The following LYPD8 variants were observed in gnomAD, a reference collection of about 807,000 sequenced individuals.
LYPD8 encodes the protein ly6/PLAUR domain-containing protein 8.
A neutral mutation model predicts 1.7 loss-of-function variants in LYPD8; 8 were observed. That is an observed-to-expected ratio of 4.58 (90% CI 2.69 to 8.27). The LOEUF is 8.27. Ranked by LOEUF, LYPD8 falls within the 30% of genes most tolerant of loss-of-function variation. LYPD8 has a pLI of 0.00. For synonymous variants in LYPD8, 50 were observed against 43.6 expected, an observed-to-expected ratio of 1.15 and a Z score of -0.58; for missense variants, 112 against 102.3, an observed-to-expected ratio of 1.09 and a Z score of -0.41.
At chr1:248,746,348 C>T (rs1266299145) in intron 5 of LYPD8, among the ~76,000 whole-genome samples, 1 of 152,228 alleles carries the variant, frequency 6.6e-6, no homozygotes, top group Non-Finnish European at 1.5e-5. Flanking sequence ...CTTGCAATGT[C>T]TGTCTTCACT....
intron 2 of LYPD8, among the ~76,000 whole-genome samples, chr1:248,751,895 T>C (rs1328961570): frequency 2.6e-5 from 4 of 152,154 alleles, no homozygotes; most frequent in African/African-American, 9.7e-5. Flanking sequence ...TCTCTGCACC[T>C]TGCATTCCCT....
At chr1:248,740,150 T>A (rs942115655) in intron 6 of LYPD8, among the ~76,000 whole-genome samples, 1 of 152,178 alleles carries the variant, frequency 6.6e-6, no homozygotes, top group African/African-American at 2.4e-5. Flanking sequence ...GAGCTGGACC[T>A]GGGACTCACA....
chr1:248,749,551 C>T (rs1662762589), intron 4 of LYPD8, among the ~76,000 whole-genome samples: 2 of 152,146 alleles, frequency 1.3e-5, no homozygotes, highest in African/African-American at 4.8e-5. Context: ...CATCCCACGG[C>T]AGAAGGGCAA....
At chr1:248,746,595 C>A (rs1558207537) in intron 5 of LYPD8, among the ~76,000 whole-genome samples, 1 of 146,324 alleles carries the variant, frequency 6.8e-6, no homozygotes, top group Non-Finnish European at 1.5e-5. Flanking sequence ...GCCCGCACGG[C>A]CAGCACCCAC....
At chr1:248,746,436 A>G (rs1662727014) in intron 5 of LYPD8, among the ~76,000 whole-genome samples, 1 of 152,204 alleles carries the variant, frequency 6.6e-6, no homozygotes, top group South Asian at 2.1e-4. Flanking sequence ...TCCGATGTTA[A>G]TGCCATCCGG....
At chr1:248,751,189 G>A (rs1218111607) in intron 2 of LYPD8, 59 bp from the exon 3 acceptor site, 3 of 397,738 alleles carry the variant, frequency 7.5e-6, no homozygotes, top group Non-Finnish European at 1.3e-5. Context: ...TCATCCCCTG[G>A]GGCTTTTAAT....
At chr1:248,750,278 G>A (rs891692184) in intron 4 of LYPD8, among the ~76,000 whole-genome samples, 1 of 123,228 alleles carries the variant, frequency 8.1e-6, no homozygotes, top group Non-Finnish European at 1.7e-5. Flanking sequence ...CTCGAATGAA[G>A]CTTTGAGGTC....
intron 6 of LYPD8, 100 bp downstream of exon 6, chr1:248,745,042 G>A (rs1010710006): frequency 8.4e-5 from 33 of 395,058 alleles, no homozygotes; most frequent in South Asian, 1.4e-4. Flanking sequence ...CTTGTCCCAC[G>A]ACTCCCCTGG....
At chr1:248,753,109 CACACAACACACACA>C (rs1387827426) in intron 2 of LYPD8, among the ~76,000 whole-genome samples, 11,285 of 121,094 alleles carry the variant, frequency 0.093, 766 homozygotes, top group Non-Finnish European at 0.14. Flanking sequence ...CCACACACCA[CACACAACACACACA>C]ACACAACACA....
At chr1:248,750,175 A>G (rs917274081) in intron 4 of LYPD8, among the ~76,000 whole-genome samples, 2 of 152,192 alleles carry the variant, frequency 1.3e-5, no homozygotes, top group Admixed American at 1.3e-4. Flanking sequence ...AAGAGGAGGA[A>G]CCATGAGAGA....
intron 2 of LYPD8, among the ~76,000 whole-genome samples, chr1:248,752,734 TCACA>T (rs1474472984): frequency 8.6e-5 from 2 of 23,268 alleles, no homozygotes; most frequent in African/African-American, 3.5e-4. Context: ...CACACACACA[TCACA>T]CACACCACAC....
rs1662903474 is a variant in LYPD8 at position 248,755,283 on chromosome 1, A to G, written c.-94T>C. ...GGCATCTTAGGCCGTTTCACTAGGTACTTCCCACTGGCAAAGTTTTATTGC... is the reference window on the plus strand; with the variant it reads ...GGCATCTTAGGCCGTTTCACTAGGTGCTTCCCACTGGCAAAGTTTTATTGC... On this transcript the variant is annotated 5_prime_UTR_variant, in exon 2 of 7. Coordinates refer to ENST00000590317, the MANE Select transcript of LYPD8 (RefSeq NM_001085474.2). The G allele has an allele frequency of 1.3e-5, 2 of 152,232 alleles. No individual in the cohort carries two copies. The highest frequency in any genetic ancestry group is 2.9e-5 in the Non-Finnish European group (2 of 68,054). The allele number at this position is 152,232 out of a possible 1,614,324, so 9.4% of individuals were successfully genotyped here.
chr1:248,749,921 G>GT (rs1355624776), intron 4 of LYPD8, among the ~76,000 whole-genome samples: 8 of 146,736 alleles, frequency 5.5e-5, no homozygotes, highest in African/African-American at 1.5e-4. Flanking sequence ...AAATACTGTA[G>GT]TAAAAAAAAA....
At chr1:248,753,286 CA>C (rs1662858697) in intron 2 of LYPD8, among the ~76,000 whole-genome samples, 2 of 117,220 alleles carry the variant, frequency 1.7e-5, no homozygotes, top group African/African-American at 3.7e-5. Flanking sequence ...ACACAACACA[CA>C]CACACCACAC....
At chr1:248,740,290 G>T (rs555273130) in intron 6 of LYPD8, among the ~76,000 whole-genome samples, 1 of 152,336 alleles carries the variant, frequency 6.6e-6, no homozygotes, top group East Asian at 1.9e-4. Context: ...TTTGCTTTCC[G>T]TCCTCACTCC....
rs1553283018 is a variant in LYPD8 at position 248,739,602 on chromosome 1, C to G, written c.*9G>C. 6.4e-7 allele frequency: 1 copy of G among 1,550,892 alleles called. No individual in the cohort carries two copies. The highest frequency in any genetic ancestry group is 2.0e-5 in the Admixed American group (1 of 50,986). On this transcript the variant is annotated 3_prime_UTR_variant, in exon 7 of 7. Coordinates refer to ENST00000590317, the MANE Select transcript of LYPD8 (RefSeq NM_001085474.2). This position sits in a 1 kb window ranked among gnomAD's most constrained non-coding sequence, Gnocchi z 4.3. ...AATGGGGTGCTGGGCAAAGTGCAGC[C>G]CCAGGACCTCAGGGCAGCAGTCCCC...
rs1446069509 is a variant in LYPD8, at chr1:248,750,629, C to T, written c.67G>A (p.Val23Met). The T allele has an allele frequency of 2.5e-5, 10 of 398,566 alleles. No individual in the cohort carries two copies. Among genetic ancestry groups the T allele is most frequent in the Non-Finnish European group, 1.8e-5 (4 of 226,062 alleles). The allele number at this position is 398,566 out of a possible 1,614,324, so 24.7% of individuals were successfully genotyped here. A position where few individuals can be genotyped will look rare whatever the true frequency, so the allele number is the denominator to read the frequency against. The part of the protein sequence containing the change: ...LVAAVESLSC[V>M]QCNSWEKSCV... ...GATTTTTCCCATGAATTACACTGCA[C>T]GCAGCTCAGAGATTCTGAGGAGACA... Residue 23 changes from valine (V) to methionine (M), a missense_variant, in exon 4 of 7, where the codon GTG (valine) becomes ATG (methionine). Coordinates refer to ENST00000590317, the MANE Select transcript of LYPD8 (RefSeq NM_001085474.2).
intron 2 of LYPD8, among the ~76,000 whole-genome samples, chr1:248,751,530 T>C (rs1348579296): frequency 1.3e-5 from 2 of 152,108 alleles, no homozygotes; most frequent in Non-Finnish European, 2.9e-5. Flanking sequence ...ACTGCATCCA[T>C]ATTTTACACT....
rs1662904403 is a variant in LYPD8 at position 248,755,351 on chromosome 1, G to T, written c.-162C>A. On this transcript the variant is annotated 5_prime_UTR_variant, in exon 2 of 7. Transcript: ENST00000590317. ...CTGGCAGGGTCCTGCTATAATTGCT[G>T]TCATCTTCCACAGAGAAAGCTGGAG... is the stretch of plus-strand genomic sequence containing the variant. 6.6e-6 allele frequency: 1 copy of T among 152,202 alleles called. No individual in the cohort carries two copies. The allele number at this position is 152,202 out of a possible 1,614,324, so 9.4% of individuals were successfully genotyped here. A position where few individuals can be genotyped will look rare whatever the true frequency, so the allele number is the denominator to read the frequency against.
Sources: gnomAD v4.1 joint callset for allele counts (sites outside exome capture counted in the v4.1 genomes callset) on GRCh38, gnomAD v4.1.1 for gene constraint, Gnocchi (gnomAD v3.1) non-coding constraint, MANE v1.5 for transcripts, NCBI Gene and HGNC (gene_info 2026-07-23, HGNC 2026-07-21) for gene names.